COL22A1: variants seen among roughly 807,000 people sequenced by gnomAD.
The protein encoded by COL22A1 is collagen alpha-1(XXII) chain.
Under a neutral mutation model 248.9 loss-of-function variants are expected in COL22A1, and 221 were observed. That is an observed-to-expected ratio of 0.89 (90% CI 0.80 to 0.99). COL22A1 has a LOEUF of 0.99. COL22A1 is among the 50% of genes least tolerant of loss of function. The probability of loss-of-function intolerance (pLI) is 0.00; values close to 1 mark genes in which losing one functional copy is unlikely to be tolerated. For synonymous variants in COL22A1, 891 were observed against 793.4 expected, an observed-to-expected ratio of 1.12 and a Z score of -2.07; for missense variants, 2,240 against 2,179.0, an observed-to-expected ratio of 1.03 and a Z score of -0.56.
At chr8:138,681,161 GT>G (rs1255805207) in intron 39 of COL22A1, among the ~76,000 whole-genome samples, 6 of 151,994 alleles carry the variant, frequency 3.9e-5, no homozygotes, top group African/African-American at 1.5e-4. Context: ...TAATAATAAG[GT>G]CTAAAGCAGA....
At chr8:138,590,732 T>C (rs1223439026) in intron 64 of COL22A1, among the ~76,000 whole-genome samples, 1 of 152,212 alleles carries the variant, frequency 6.6e-6, no homozygotes, top group Non-Finnish European at 1.5e-5. Context: ...TCAAATTTCT[T>C]CTACCTTCTA....
At chr8:138,670,225 G>A (rs774350063) in intron 41 of COL22A1, among the ~76,000 whole-genome samples, 6 of 152,230 alleles carry the variant, frequency 3.9e-5, no homozygotes, top group East Asian at 3.9e-4. Flanking sequence ...CTGGTTATAC[G>A]TGGCTCAGCT....
At chr8:138,651,392 G>C (rs1822725051) in intron 45 of COL22A1, among the ~76,000 whole-genome samples, 1 of 152,176 alleles carries the variant, frequency 6.6e-6, no homozygotes, top group Admixed American at 6.5e-5. Context: ...TGCTATAAAT[G>C]AATGAATCAG....
chr8:138,903,590 C>T (rs956013014), intron 1 of COL22A1, among the ~76,000 whole-genome samples: 1 of 152,096 alleles, frequency 6.6e-6, no homozygotes, highest in Non-Finnish European at 1.5e-5. Context: ...CTGCTTGGCT[C>T]CTGACACCAG....
chr8:138,611,282 G>A (rs7012042), intron 56 of COL22A1, among the ~76,000 whole-genome samples: 34,052 of 152,146 alleles, frequency 0.22, 4,332 homozygotes, highest in African/African-American at 0.35. Flanking sequence ...GATTCTTACA[G>A]CCTCCTTGTT....
chr8:138,701,831 G>A (rs1331080149), intron 31 of COL22A1, among the ~76,000 whole-genome samples: 1 of 152,196 alleles, frequency 6.6e-6, no homozygotes, highest in Non-Finnish European at 1.5e-5. Context: ...TCAATATGCA[G>A]TGATTGACTA....
chr8:138,699,005 A>G (rs549892411), intron 32 of COL22A1, among the ~76,000 whole-genome samples: 1 of 152,360 alleles, frequency 6.6e-6, no homozygotes, highest in African/African-American at 2.4e-5. Flanking sequence ...AAGAAACATA[A>G]GGAACATTTT....
chr8:138,634,079 A>G (rs1587722721), intron 49 of COL22A1, among the ~76,000 whole-genome samples: 1 of 152,256 alleles, frequency 6.6e-6, no homozygotes, highest in Non-Finnish European at 1.5e-5. Context: ...ATGCCATGTC[A>G]TGCTTTCATC....
intron 1 of COL22A1, 90 bp from the exon 2 acceptor site, chr8:138,883,334 C>T (rs1052297146): frequency 5.8e-6 from 4 of 695,350 alleles, no homozygotes; most frequent in African/African-American, 5.4e-5. Context: ...GGATTCCCTA[C>T]ACCCAGCCTT....
At chr8:138,723,475 A>G (rs1830058546) in intron 25 of COL22A1, among the ~76,000 whole-genome samples, 1 of 152,188 alleles carries the variant, frequency 6.6e-6, no homozygotes, top group Non-Finnish European at 1.5e-5. Context: ...ATCTTGACAG[A>G]TGAGAAATGC....
At chr8:138,598,185 G>GA (rs1327301355) in intron 61 of COL22A1, among the ~76,000 whole-genome samples, 1 of 152,186 alleles carries the variant, frequency 6.6e-6, no homozygotes, top group African/African-American at 2.4e-5. Flanking sequence ...TTTAAAGAAA[G>GA]AAAAAACCAT....
At chr8:138,907,763 C>G (rs1815133277) in intron 1 of COL22A1, among the ~76,000 whole-genome samples, 1 of 152,216 alleles carries the variant, frequency 6.6e-6, no homozygotes. Context: ...AACCCCACAG[C>G]AGAAGGCAGA....
At chr8:138,834,652 GATT>G (rs1229311496) in intron 4 of COL22A1, among the ~76,000 whole-genome samples, 1 of 152,128 alleles carries the variant, frequency 6.6e-6, no homozygotes, top group African/African-American at 2.4e-5. Context: ...GTAAAAAGGG[GATT>G]ATTTTCGAAT....
At chr8:138,757,382 C>A (rs1471953478) in intron 18 of COL22A1, among the ~76,000 whole-genome samples, 2 of 152,030 alleles carry the variant, frequency 1.3e-5, no homozygotes, top group Non-Finnish European at 2.9e-5. Flanking sequence ...AAAATCATGT[C>A]TTTTTTATGA....
chr8:138,660,185 G>A (rs58343081), intron 44 of COL22A1, among the ~76,000 whole-genome samples: 90,192 of 152,100 alleles, frequency 0.59, 30,711 homozygotes, highest in Non-Finnish European at 0.77. Flanking sequence ...ACCCATGACC[G>A]AGCTCCTATG....
At chr8:138,786,060 T>G (rs1815489554) in intron 12 of COL22A1, among the ~76,000 whole-genome samples, 1 of 152,210 alleles carries the variant, frequency 6.6e-6, no homozygotes, top group African/African-American at 2.4e-5. Flanking sequence ...CACTAAGTAC[T>G]GATGACTTTG....
chr8:138,800,846 C>T (rs1031370917), intron 11 of COL22A1, among the ~76,000 whole-genome samples: 9 of 152,160 alleles, frequency 5.9e-5, no homozygotes, highest in Non-Finnish European at 1.3e-4. Flanking sequence ...TTGTCCCAGA[C>T]ATGGAGGAGA....
At chr8:138,802,807 A>T in intron 11 of COL22A1, 65 bp downstream of exon 11, 1 of 1,252,742 alleles carries the variant, frequency 8.0e-7, no homozygotes, top group African/African-American at 1.5e-5. Context: ...GCATGATCGG[A>T]GGGCCCTGGG....
chr8:138,741,137 C>T (rs181046498), intron 22 of COL22A1, among the ~76,000 whole-genome samples: 12 of 152,342 alleles, frequency 7.9e-5, no homozygotes, highest in African/African-American at 2.4e-4. Flanking sequence ...ATGCCTGAGA[C>T]GTTGCCATTC....
Sources: gnomAD v4.1 joint callset for allele counts (sites outside exome capture counted in the v4.1 genomes callset) on GRCh38, gnomAD v4.1.1 for gene constraint, MANE v1.5 for transcripts, NCBI Gene and HGNC (gene_info 2026-07-23, HGNC 2026-07-21) for gene names.